The following CALCRL variants were observed in gnomAD, a reference collection of about 807,000 sequenced individuals.
The protein encoded by CALCRL is calcitonin gene-related peptide type 1 receptor.
In CALCRL, 27 loss-of-function variants were observed where a neutral mutation model predicts 60.4. The observed-to-expected ratio is 0.45, with a 90% CI of 0.33 to 0.62. The LOEUF (loss-of-function observed/expected upper bound fraction) is 0.62, where lower values mean the gene tolerates loss of function less well. Among genes scored for constraint, CALCRL ranks in the 20% least tolerant of loss-of-function variants. CALCRL has a pLI of 0.03. For missense variants in CALCRL, 424 were observed against 540.7 expected, an observed-to-expected ratio of 0.78 and a Z score of 2.14; for synonymous variants, 190 against 182.6, an observed-to-expected ratio of 1.04 and a Z score of -0.33.
At chr2:187,417,169 G>C (rs1481436467) in intron 1 of CALCRL, among the ~76,000 whole-genome samples, 1 of 151,832 alleles carries the variant, frequency 6.6e-6, no homozygotes, top group African/African-American at 2.4e-5. Context: ...CCAAGACAAC[G>C]TTTTTCAAAA....
intron 1 of CALCRL, among the ~76,000 whole-genome samples, chr2:187,399,410 A>G (rs1397603432): frequency 6.6e-6 from 1 of 151,540 alleles, no homozygotes; most frequent in Non-Finnish European, 1.5e-5. Context: ...AGATGAAAAC[A>G]TAAGGGTAAA....
chr2:187,357,197 T>G (rs973586640), intron 12 of CALCRL, among the ~76,000 whole-genome samples: 4 of 152,052 alleles, frequency 2.6e-5, no homozygotes, highest in Non-Finnish European at 5.9e-5. Context: ...TAAAGACACA[T>G]GTACACGTAT....
chr2:187,442,331 T>C (rs1364177671), intron 1 of CALCRL, among the ~76,000 whole-genome samples: 5 of 151,098 alleles, frequency 3.3e-5, no homozygotes, highest in African/African-American at 1.2e-4. Context: ...ATGAAACTCA[T>C]GCAACTGTAA....
chr2:187,416,114 C>T (rs574046385), intron 1 of CALCRL, among the ~76,000 whole-genome samples: 8 of 152,202 alleles, frequency 5.3e-5, no homozygotes, highest in African/African-American at 1.9e-4. Flanking sequence ...GTTTGTAGCA[C>T]AAAATGCAAC....
intron 1 of CALCRL, among the ~76,000 whole-genome samples, chr2:187,391,096 TTAGA>T (rs1415163385): frequency 2.6e-5 from 4 of 152,292 alleles, no homozygotes; most frequent in East Asian, 3.9e-4. Context: ...GAAAGTCAAC[TTAGA>T]TAGACTCTCA....
intron 1 of CALCRL, among the ~76,000 whole-genome samples, chr2:187,403,118 G>A (rs1208290226): frequency 6.6e-6 from 1 of 151,656 alleles, no homozygotes; most frequent in Admixed American, 6.6e-5. Context: ...ATAAATGTTT[G>A]TTGTTTTACC....
intron 10 of CALCRL, among the ~76,000 whole-genome samples, chr2:187,359,595 G>C (rs3815524): frequency 0.083 from 12,687 of 152,064 alleles, 655 homozygotes; most frequent in South Asian, 0.17. Flanking sequence ...TTCAGCATTC[G>C]TGTACTTTCT....
intron 1 of CALCRL, among the ~76,000 whole-genome samples, chr2:187,396,586 G>T (rs1031439802): frequency 1.3e-5 from 2 of 151,650 alleles, no homozygotes; most frequent in Non-Finnish European, 2.9e-5. Flanking sequence ...ATTCAACAAT[G>T]TCTAAACTCA....
At chr2:187,352,862 A>G (rs1686595354) in intron 12 of CALCRL, among the ~76,000 whole-genome samples, 1 of 151,888 alleles carries the variant, frequency 6.6e-6, no homozygotes, top group Non-Finnish European at 1.5e-5. Context: ...CCAAAGTATC[A>G]CTGTAATCCT....
intron 1 of CALCRL, among the ~76,000 whole-genome samples, chr2:187,445,104 GATAA>G (rs1023077461): frequency 1.3e-5 from 2 of 151,564 alleles, no homozygotes; most frequent in African/African-American, 4.8e-5. Flanking sequence ...ACCAGATACA[GATAA>G]ATGTTTTAAA....
At chr2:187,369,844 G>T in intron 8 of CALCRL, among the ~76,000 whole-genome samples, 1 of 152,308 alleles carries the variant, frequency 6.6e-6, no homozygotes, top group Non-Finnish European at 1.5e-5. Context: ...AGAGAGTATA[G>T]AGGAGAGAAG....
chr2:187,360,211 G>A (rs918803075), intron 10 of CALCRL, among the ~76,000 whole-genome samples: 3 of 151,828 alleles, frequency 2.0e-5, no homozygotes, highest in Non-Finnish European at 4.4e-5. Context: ...TTTTAGAATG[G>A]AACTTCAAAG....
intron 14 of CALCRL, among the ~76,000 whole-genome samples, chr2:187,350,299 A>C (rs1031025818): frequency 6.6e-6 from 1 of 151,664 alleles, no homozygotes; most frequent in Non-Finnish European, 1.5e-5. Context: ...TTTAATTATT[A>C]CATCCTATAC....
chr2:187,420,404 G>A (rs1689817330), intron 1 of CALCRL, among the ~76,000 whole-genome samples: 1 of 151,342 alleles, frequency 6.6e-6, no homozygotes, highest in South Asian at 2.1e-4. Flanking sequence ...GCTCATCGAA[G>A]GTATAACTTA....
Position 187,383,178 on chromosome 2 carries a change from G to A in CALCRL, c.179C>T (p.Ala60Val), listed in dbSNP as rs1688050065. ...QKIMQDPIQQ[A>V]EGVYCNRTWD... is the part of the protein sequence containing the mutation. ...AACTAAGTAGCCATGCTTACCTTCT[G>A]CTTGTTGAATGGGGTCTTGCATAAT... The change falls in exon 5 of 15, where the codon GCA (alanine) becomes GTA (valine). Residue 60 changes from alanine (A) to valine (V), a missense_variant. Ala to Val is a moderately conservative substitution (Grantham distance 64). Coordinates refer to ENST00000392370, the MANE Select transcript of CALCRL (RefSeq NM_005795.6). The A allele has an allele frequency of 6.2e-7, 1 of 1,607,676 alleles. No homozygotes were observed. The highest frequency in any genetic ancestry group is 8.5e-7 in the Non-Finnish European group (1 of 1,178,716).
intron 1 of CALCRL, among the ~76,000 whole-genome samples, chr2:187,401,877 A>C (rs1371758267): frequency 6.6e-6 from 1 of 151,456 alleles, no homozygotes; most frequent in South Asian, 2.1e-4. Context: ...CATCCTAACT[A>C]TACTCCTTCT....
intron 1 of CALCRL, among the ~76,000 whole-genome samples, chr2:187,435,711 G>C (rs992547692): frequency 1.3e-5 from 2 of 152,090 alleles, no homozygotes; most frequent in African/African-American, 4.8e-5. Flanking sequence ...ATCGGAGATG[G>C]AGCTGCCTTA....
At chr2:187,371,115 T>A (rs1182016930) in intron 8 of CALCRL, among the ~76,000 whole-genome samples, 1 of 151,802 alleles carries the variant, frequency 6.6e-6, no homozygotes, top group Non-Finnish European at 1.5e-5. Context: ...GGTGGCGGGC[T>A]CCTGCATAGT....
chr2:187,384,140 A>G (rs1688104729), intron 4 of CALCRL, among the ~76,000 whole-genome samples: 2 of 152,246 alleles, frequency 1.3e-5, no homozygotes, highest in South Asian at 4.2e-4. Flanking sequence ...GTAAAATCAA[A>G]ATGACATTCC....
Sources: gnomAD v4.1 joint callset for allele counts (sites outside exome capture counted in the v4.1 genomes callset) on GRCh38, gnomAD v4.1.1 for gene constraint, MANE v1.5 for transcripts, NCBI Gene and HGNC (gene_info 2026-07-23, HGNC 2026-07-21) for gene names.